NOS3: variants seen among roughly 807,000 people sequenced by gnomAD.
NOS3 encodes nitric oxide synthase 3.
Under a neutral mutation model 144.9 loss-of-function variants are expected in NOS3, and 98 were observed. The observed-to-expected ratio is 0.68, with a 90% CI of 0.57 to 0.80. The LOEUF is 0.80. Ranked by LOEUF, NOS3 falls within the 30% of genes least tolerant of loss-of-function variation. The probability of loss-of-function intolerance (pLI) is 0.00; values close to 1 mark genes in which losing one functional copy is unlikely to be tolerated. For missense variants in NOS3, 1,465 were observed against 1,656.4 expected (o/e 0.88, Z 2.01); for synonymous variants, 714 against 702.4 (o/e 1.02, Z -0.26).
chr7:150,994,248 A>G (rs527652494), intron 2 of NOS3, among the ~76,000 whole-genome samples: 1 of 152,304 alleles, frequency 6.6e-6, no homozygotes, highest in South Asian at 2.1e-4. Flanking sequence ...CAAGTTACTT[A>G]ATCTCTCTGA....
At chr7:151,006,174 A>T (rs1333719480) in intron 14 of NOS3, among the ~76,000 whole-genome samples, 2 of 152,226 alleles carry the variant, frequency 1.3e-5, no homozygotes, top group African/African-American at 4.8e-5. Context: ...GTTCAAGGAA[A>T]AAGGGCTGGA....
At chr7:150,997,229 CTAGACCTGCTGCAGGGGTGAGGA>C (rs1802451502) in intron 5 of NOS3, among the ~76,000 whole-genome samples, 1 of 151,562 alleles carries the variant, frequency 6.6e-6, no homozygotes, top group East Asian at 1.9e-4. Flanking sequence ...GTGAGGAAGT[CTAGACCTGCTGCAGGGGTGAGGA>C]AGTCTAGACC....
chr7:150,999,152 T>A (rs1199351536), intron 8 of NOS3, 38 bp from the exon 9 acceptor site: 1 of 1,610,566 alleles, frequency 6.2e-7, no homozygotes, highest in Non-Finnish European at 8.5e-7. Context: ...AAGAAGGGCC[T>A]GCAAGGGGGT....
At chr7:151,012,979 G>C in intron 24 of NOS3, 1 of 520,800 alleles carries the variant, frequency 1.9e-6, no homozygotes, top group Non-Finnish European at 3.4e-6. Context: ...TTCTGAGTCC[G>C]AAGCCGCGCA....
Position 151,013,374 on chromosome 7 carries a change from C to T in NOS3, c.3250C>T (p.Pro1084Ser), listed in dbSNP as rs1706082758. 8.7e-6 allele frequency: 14 copies of T among 1,612,686 alleles called. No homozygotes were observed. Among genetic ancestry groups the T allele is most frequent in the Non-Finnish European group, 1.1e-5 (13 of 1,179,352 alleles). ...CGCCTTCTCCCGGGAACCTGACAACCCCAAGGTGTGAGACCCTGAGGGCGC... is the reference window on the plus strand; with the variant it reads ...CGCCTTCTCCCGGGAACCTGACAACTCCAAGGTGTGAGACCCTGAGGGCGC... ...LTAFSREPDN[P>S]KTYVQDILRT... Residue 1084 changes from proline to serine, a missense_variant, in exon 25 of 27, where the codon CCC becomes TCC. Physicochemically the swap from Pro to Ser is moderately conservative, Grantham distance 74. Transcript: ENST00000297494.
Position 150,996,808 on chromosome 7 carries a change from C to G in NOS3, c.465C>G (p.Ala155=), listed in dbSNP as rs200774720. The G allele has an allele frequency of 1.4e-4, 233 of 1,610,736 alleles. No individual in the cohort carries two copies. The African/African-American group carries it at 2.7e-3, about 19-fold the overall frequency. The change falls in exon 5 of 27, where the codon GCC becomes GCG. Residue 155 remains alanine (A), a synonymous_variant. Coordinates refer to ENST00000297494, the MANE Select transcript of NOS3 (RefSeq NM_000603.5). The stretch of plus-strand genomic sequence containing the variant: ...AACAGCGGCTTCAAGAGGTGGAAGC[C>G]GAGGTGGCAGCCACAGGCACCTACC... ...AHEQRLQEVE[A]EVAATGTYQL... is the part of the protein sequence containing the mutation.
Position 151,002,452 on chromosome 7 carries a change from A to ACG in NOS3, c.1752+150_1752+151dup, listed in dbSNP as rs1491492646. 4.1e-6 allele frequency: 2 copies of ACG among 492,006 alleles called. No homozygotes were observed. The highest frequency in any genetic ancestry group is 3.2e-5 in the Admixed American group (1 of 31,450). 30.5% of individuals were successfully genotyped at this position (492,006 alleles called of 1,614,324 possible). A position where few individuals can be genotyped will look rare whatever the true frequency, so the allele number is the denominator to read the frequency against. The stretch of plus-strand genomic sequence containing the variant: ...CACACACACACACACACACACACAC[A>ACG]CGCCAGGATGGAAAGGGAGATGCTA... On this transcript the variant is annotated intron_variant, in intron 14 of 26. Coordinates refer to ENST00000297494, the MANE Select transcript of NOS3 (RefSeq NM_000603.5). This position sits in a 1 kb window ranked among gnomAD's most constrained non-coding sequence, Gnocchi z 4.1.
chr7:150,996,473 TCCCCCGGC>T lies in NOS3; in HGVS notation c.352_359del (p.Pro118Ter). 1 of 1,588,348 alleles carries T rather than the reference TCCCCCGGC, an allele frequency of 6.3e-7. No homozygotes were observed. Among genetic ancestry groups the T allele is most frequent in the Non-Finnish European group, 8.6e-7 (1 of 1,168,628 alleles). ...TCCACGGAAACTACAGGGCCGGCCC[TCCCCCGGC>T]CCCCCGGCCCCTGAGCAGCTGCTGA... is the stretch of plus-strand genomic sequence containing the variant. On this transcript the variant is annotated frameshift_variant, in exon 4 of 27. Transcript: ENST00000297494. LOFTEE classifies it high-confidence loss of function.
rs1795063960 is a variant in NOS3 at position 151,000,436 on chromosome 7, T to A, written c.1132-62T>A. 4 of 1,048,088 alleles carry A rather than the reference T, an allele frequency of 3.8e-6. No homozygotes were observed. In the Admixed American group the frequency reaches 5.1e-5, roughly 13 times the overall value. The allele number at this position is 1,048,088 out of a possible 1,614,324, so 64.9% of individuals were successfully genotyped here. A position where few individuals can be genotyped will look rare whatever the true frequency, so the allele number is the denominator to read the frequency against. On this transcript the variant is annotated intron_variant, in intron 9 of 26. Coordinates refer to ENST00000297494, the MANE Select transcript of NOS3 (RefSeq NM_000603.5). ...CCATGTACGGGAAACAGAGATAGTCTCCCCACCCCACCCCCGTGATCACCT... is the reference window on the plus strand; with the variant it reads ...CCATGTACGGGAAACAGAGATAGTCACCCCACCCCACCCCCGTGATCACCT...
chr7:151,013,967 C>T (rs1218344960), intron 26 of NOS3, 41 bp from the exon 27 acceptor site: 14 of 1,606,860 alleles, frequency 8.7e-6, no homozygotes, highest in South Asian at 1.1e-5. Context: ...CTGCTAAGGT[C>T]TCCGAGTCGG....
In NOS3 at chr7:150,993,752, G is replaced by T; in HGVS notation, c.-51-1G>T. 6.4e-7 allele frequency: 1 copy of T among 1,555,044 alleles called. No homozygotes were observed. The highest frequency in any genetic ancestry group is 1.2e-5 in the South Asian group (1 of 82,656). ...CTCTCGGTCCCCTCCCTCTTCCTAAGGAAAAGGCCAGGGCTCTGCTGGAGC... is the reference window on the plus strand; with the variant it reads ...CTCTCGGTCCCCTCCCTCTTCCTAATGAAAAGGCCAGGGCTCTGCTGGAGC... On this transcript the variant is annotated splice_acceptor_variant, in intron 1 of 26. Coordinates refer to ENST00000297494, the MANE Select transcript of NOS3 (RefSeq NM_000603.5). LOFTEE classifies it low-confidence loss of function (5UTR_SPLICE). The surrounding 1 kb of genome is among the most constrained non-coding windows in gnomAD (Gnocchi z 4.0).
chr7:151,009,130 C>G, intron 18 of NOS3, 59 bp from the exon 19 acceptor site: 1 of 1,613,090 alleles, frequency 6.2e-7, no homozygotes, highest in Middle Eastern at 1.7e-4. Context: ...CTAAAGCACT[C>G]TGGGGCCAGG....
intron 3 of NOS3, among the ~76,000 whole-genome samples, chr7:150,995,636 ACCCCTGCACCCCTCTTCCCTCTCC>A (rs1273875179): frequency 6.8e-3 from 1 of 146 alleles, no homozygotes; most frequent in Non-Finnish European, 0.015. Context: ...TCCCCATCTC[ACCCCTGCACCCCTCTTCCCTCTCC>A]CACCCCTGCA....
At chr7:151,013,063 G>A (rs1228262387) in intron 24 of NOS3, 168 bp from the exon 25 acceptor site, 13 of 723,068 alleles carry the variant, frequency 1.8e-5, no homozygotes, top group Non-Finnish European at 2.9e-5. Flanking sequence ...GGCTGTGCAG[G>A]GTCTCTGTGA....
In NOS3 at chr7:151,010,955, C is replaced by T; in HGVS notation, c.2953C>T (p.Pro985Ser). 1.9e-6 allele frequency: 3 copies of T among 1,613,832 alleles called. No homozygotes were observed. The highest frequency in any genetic ancestry group is 2.5e-6 in the Non-Finnish European group (3 of 1,179,848). ...VCSTWLSQLK[P>S]GDPVPCFIRG... is the part of the protein sequence containing the mutation. ...CTCCACGTGGCTAAGCCAGCTCAAG[C>T]CCGGAGACCCTGTGCCCTGCTTCAT... is the stretch of plus-strand genomic sequence containing the variant. Residue 985 changes from proline to serine, a missense_variant, in exon 23 of 27, where the codon CCC becomes TCC. Pro to Ser is a moderately conservative substitution (Grantham distance 74, BLOSUM62 -1). Around this residue, in one of 5 missense-constraint regions of NOS3, gnomAD observed 106 missense variants for 167.7 expected, o/e 0.63. Coordinates refer to ENST00000297494, the MANE Select transcript of NOS3 (RefSeq NM_000603.5).
intron 16 of NOS3, 33 bp downstream of exon 16, chr7:151,007,038 G>A: frequency 6.2e-7 from 1 of 1,613,798 alleles, no homozygotes; most frequent in Non-Finnish European, 8.5e-7. Flanking sequence ...TGCAACGGGT[G>A]GGCAAGCTGC....
chr7:151,002,075 C>G lies in NOS3; in HGVS notation c.1647+110C>G. The G allele has an allele frequency of 3.4e-6, 5 of 1,474,836 alleles. No individual in the cohort carries two copies. Among genetic ancestry groups the G allele is most frequent in the Non-Finnish European group, 4.7e-6 (5 of 1,072,722 alleles). 91.4% of individuals were successfully genotyped at this position (1,474,836 alleles called of 1,614,324 possible). On this transcript the variant is annotated intron_variant, in intron 13 of 26. Coordinates refer to ENST00000297494, the MANE Select transcript of NOS3 (RefSeq NM_000603.5). This position sits in a 1 kb window ranked among gnomAD's most constrained non-coding sequence, Gnocchi z 4.1. ...TTACAAGTCAGGACTCATGAGGAACCCGGAACCACAGGTGTTCAGAGATCA... is the reference window on the plus strand; with the variant it reads ...TTACAAGTCAGGACTCATGAGGAACGCGGAACCACAGGTGTTCAGAGATCA...
chr7:151,010,115 G>T lies in NOS3; in HGVS notation c.2513G>T (p.Gly838Val). 6.3e-7 allele frequency: 1 copy of T among 1,586,766 alleles called. No individual in the cohort carries two copies. Among genetic ancestry groups the T allele is most frequent in the Non-Finnish European group, 8.6e-7 (1 of 1,158,908 alleles). Residue 838 changes from glycine to valine, a missense_variant and splice_region_variant, in exon 21 of 27, where the codon GGT becomes GTT. Around this residue, in one of 5 missense-constraint regions of NOS3, gnomAD observed 745 missense variants for 853.9 expected, o/e 0.87. Coordinates refer to ENST00000297494, the MANE Select transcript of NOS3 (RefSeq NM_000603.5). ...AVEQLEKGSP[G>V]GPPPGWVRDP... ...AGAGCTCCCTGTGCACTATCCCCAG[G>T]TGGCCCTCCCCCCGGCTGGGTGCGG...
At chr7:150,996,666 T>A in intron 4 of NOS3, 97 bp from the exon 5 acceptor site, 1 of 1,457,052 alleles carries the variant, frequency 6.9e-7, no homozygotes, top group Non-Finnish European at 9.4e-7. Flanking sequence ...CGTGGGCCCC[T>A]CCCGCCCTCC....
Sources: gnomAD v4.1 joint callset for allele counts (sites outside exome capture counted in the v4.1 genomes callset) on GRCh38, gnomAD v4.1.1 for gene constraint, gnomAD v4.1.1 regional missense constraint, Gnocchi (gnomAD v3.1) non-coding constraint, MANE v1.5 for transcripts, NCBI Gene and HGNC (gene_info 2026-07-23, HGNC 2026-07-21) for gene names.